Variants in SMAD2 observed in about 807,000 individuals in gnomAD.
The protein encoded by SMAD2 is SMAD family member 2, also known as MAD homolog 2.
SMAD2 carries 8 observed loss-of-function variants against 64.4 expected under a neutral mutation model. The observed-to-expected ratio is 0.12, with a 90% confidence interval of 0.07 to 0.22. The LOEUF (loss-of-function observed/expected upper bound fraction) is 0.22. Ranked by LOEUF, SMAD2 falls within the 10% of genes least tolerant of loss-of-function variation. The pLI is 1.00. For missense variants in SMAD2, 289 were observed against 561.2 expected, an observed-to-expected ratio of 0.51 and a Z score of 4.90; for synonymous variants, 203 against 195.8, an observed-to-expected ratio of 1.04 and a Z score of -0.31.
rs188323956 is a variant in SMAD2 at position 47,904,812 on chromosome 18, T to C, written c.-53-8003A>G. Among the ~76,000 whole-genome samples the C allele has an allele frequency of 9.2e-5, 14 of 152,244 alleles. No homozygotes were observed. The East Asian group carries it at 1.7e-3, about 19-fold the overall frequency. ...GAGCGAGAAAAAAGGTATCTGAAAA[T>C]GTTAATTCAACACTCATCTATAATT... On this transcript the variant is annotated intron_variant, in intron 1 of 10. Transcript: ENST00000262160.
rs2144290599 is a variant in SMAD2 at position 47,845,740 on chromosome 18, C to T, written c.1058G>A (p.Ser353Asn). 1 of 1,613,804 alleles carries T rather than the reference C, an allele frequency of 6.2e-7. No homozygotes were observed. Among genetic ancestry groups the T allele is most frequent in the Non-Finnish European group, 8.5e-7 (1 of 1,179,760 alleles). ...GEVFAECLSD[S>N]AIFVQSPNCN... ...ATTGGGGCTCTGCACAAAGATTGCACTATCACTTAGGCACTCAGCAAAAAC... is the reference window on the plus strand; with the variant it reads ...ATTGGGGCTCTGCACAAAGATTGCATTATCACTTAGGCACTCAGCAAAAAC... The change falls in exon 9 of 11, where the codon AGT becomes AAT. Residue 353 changes from serine to asparagine, a missense_variant. This residue lies in a region of SMAD2 where 49 missense variants were observed against 101.1 expected (regional missense o/e 0.48). Coordinates refer to ENST00000262160, the MANE Select transcript of SMAD2 (RefSeq NM_005901.6).
chr18:47,912,974 C>T (rs1341435697), intron 1 of SMAD2, among the ~76,000 whole-genome samples: 3 of 150,356 alleles, frequency 2.0e-5, no homozygotes, highest in Non-Finnish European at 4.4e-5. Flanking sequence ...GGTTGGAGTG[C>T]AATGGCGTGA....
In SMAD2 at chr18:47,835,159, T is replaced by C; in HGVS notation, c.*6668A>G. On this transcript the variant is annotated 3_prime_UTR_variant, in exon 11 of 11. Coordinates refer to ENST00000262160, the MANE Select transcript of SMAD2 (RefSeq NM_005901.6). ...AGCTTCACTATCACTAATAAAAAGA[T>C]ACAAATATGCCTTTCAAGTCAGGGT... 1 of 221,052 alleles carries C rather than the reference T, an allele frequency of 4.5e-6. No individual in the cohort carries two copies. The highest frequency in any genetic ancestry group is 9.1e-6 in the Non-Finnish European group (1 of 110,404). The allele number at this position is 221,052 out of a possible 1,614,324, so 13.7% of individuals were successfully genotyped here.
chr18:47,894,484 C>T (rs1418424814), intron 2 of SMAD2, among the ~76,000 whole-genome samples: 1 of 152,176 alleles, frequency 6.6e-6, no homozygotes, highest in African/African-American at 2.4e-5. Context: ...CCACCCCTTA[C>T]TTTATACTCT....
At chr18:47,902,104 G>A (rs1291574191) in intron 1 of SMAD2, among the ~76,000 whole-genome samples, 2 of 152,118 alleles carry the variant, frequency 1.3e-5, no homozygotes, top group East Asian at 3.8e-4. Context: ...AATATACTGA[G>A]GGCGTTCTCT....
intron 1 of SMAD2, chr18:47,912,233 T>C (rs140176495): frequency 5.9e-5 from 9 of 152,236 alleles, no homozygotes; most frequent in Non-Finnish European, 1.2e-4. Flanking sequence ...CCAGTGCAGA[T>C]TAAAGAGCTG....
At chr18:47,882,707 G>A (rs914949725) in intron 2 of SMAD2, among the ~76,000 whole-genome samples, 1 of 152,142 alleles carries the variant, frequency 6.6e-6, no homozygotes, top group Admixed American at 6.5e-5. Context: ...GATATTTGTT[G>A]CACAAATGCT....
At chr18:47,870,712 G>T (rs2031878422) in intron 2 of SMAD2, 148 bp from the exon 3 acceptor site, 2 of 698,866 alleles carry the variant, frequency 2.9e-6, no homozygotes, top group Non-Finnish European at 5.2e-6. Flanking sequence ...GGCATGTAGT[G>T]CTGGTTACTA....
intron 1 of SMAD2, among the ~76,000 whole-genome samples, chr18:47,901,633 A>C (rs1320710197): frequency 6.6e-6 from 1 of 152,148 alleles, no homozygotes; most frequent in Non-Finnish European, 1.5e-5. Flanking sequence ...TTCACTTAAC[A>C]CAATTTTCAT....
rs376870932 is a variant in SMAD2 at position 47,845,493 on chromosome 18, A to T, written c.1136-9T>A. ...GATCTTCAGATTACAGCCTATGATT[A>T]AAAAAGGTAAAAGAAATTGTCAAAA... On this transcript the variant is annotated splice_polypyrimidine_tract_variant and intron_variant, in intron 9 of 10. Coordinates refer to ENST00000262160, the MANE Select transcript of SMAD2 (RefSeq NM_005901.6). The T allele has an allele frequency of 1.3e-5, 21 of 1,610,184 alleles. No individual in the cohort carries two copies. Among genetic ancestry groups the T allele is most frequent in the Non-Finnish European group, 1.5e-5 (18 of 1,176,612 alleles).
Position 47,832,675 on chromosome 18 carries a change from T to C in SMAD2, c.*9152A>G, listed in dbSNP as rs1317059072. 1 of 152,186 alleles carries C rather than the reference T, an allele frequency of 6.6e-6. No homozygotes were observed. Among genetic ancestry groups the C allele is most frequent in the Non-Finnish European group, 1.5e-5 (1 of 68,020 alleles). The allele number at this position is 152,186 out of a possible 1,614,324, so 9.4% of individuals were successfully genotyped here. Reference sequence around the variant, plus strand: ...TTATATGAGATTATATCTTATCTAGTATTTTTCAATGGAGCCTTAAAAATG... The same window carrying C: ...TTATATGAGATTATATCTTATCTAGCATTTTTCAATGGAGCCTTAAAAATG... On this transcript the variant is annotated 3_prime_UTR_variant, in exon 11 of 11. Transcript: ENST00000262160.
In SMAD2 at chr18:47,834,180, C is replaced by T. The variant is rs980223830; in HGVS notation, c.*7647G>A. ...CTGAGTTTAGAAGCAACTATGACAA[C>T]ATAGGGAAGTAAGGATAAATCACAA... On this transcript the variant is annotated 3_prime_UTR_variant, in exon 11 of 11. Coordinates refer to ENST00000262160, the MANE Select transcript of SMAD2 (RefSeq NM_005901.6). The T allele has an allele frequency of 2.8e-5, 6 of 212,644 alleles. No homozygotes were observed. The highest frequency in any genetic ancestry group is 1.4e-4 in the African/African-American group (6 of 44,074). 13.2% of individuals were successfully genotyped at this position (212,644 alleles called of 1,614,324 possible).
chr18:47,885,586 T>C (rs1349949542), intron 2 of SMAD2, among the ~76,000 whole-genome samples: 1 of 152,218 alleles, frequency 6.6e-6, no homozygotes, highest in Non-Finnish European at 1.5e-5. Flanking sequence ...CTGGAATACA[T>C]GGTTGGTCTC....
At chr18:47,866,512 TAA>T (rs2031572947) in intron 5 of SMAD2, among the ~76,000 whole-genome samples, 1 of 151,640 alleles carries the variant, frequency 6.6e-6, no homozygotes, top group African/African-American at 2.4e-5. Flanking sequence ...TCAAAGAACA[TAA>T]AAATAAGGGT....
chr18:47,826,335 C>T lies in SMAD2; in HGVS notation c.*15492G>A, dbSNP rs1912755090. 1 of 152,202 alleles carries T rather than the reference C, an allele frequency of 6.6e-6. No homozygotes were observed. The highest frequency in any genetic ancestry group is 2.4e-5 in the African/African-American group (1 of 41,450). The allele number at this position is 152,202 out of a possible 1,614,324, so 9.4% of individuals were successfully genotyped here. On this transcript the variant is annotated 3_prime_UTR_variant, in exon 11 of 11. Coordinates refer to ENST00000262160, the MANE Select transcript of SMAD2 (RefSeq NM_005901.6). ...GGTAGATTGACTGCATTTAAGGCTCCAATTCTTCACCCCTCCTATGTTCTC... is the reference window on the plus strand; with the variant it reads ...GGTAGATTGACTGCATTTAAGGCTCTAATTCTTCACCCCTCCTATGTTCTC...
At chr18:47,911,864 C>G (rs1221913707) in intron 1 of SMAD2, among the ~76,000 whole-genome samples, 1 of 152,224 alleles carries the variant, frequency 6.6e-6, no homozygotes, top group Non-Finnish European at 1.5e-5. Flanking sequence ...ATGTAATCAT[C>G]TACCAACTAA....
Position 47,855,783 on chromosome 18 carries a change from G to A in SMAD2, c.731-4456C>T, listed in dbSNP as rs145195741. 3.4e-3 allele frequency among the ~76,000 whole-genome samples: 518 copies of A among 152,092 alleles called. 14 individuals carry two copies. Among genetic ancestry groups the A allele is most frequent in the Admixed American group, 0.027 (408 of 15,274 alleles). On this transcript the variant is annotated intron_variant, in intron 6 of 10. Coordinates refer to ENST00000262160, the MANE Select transcript of SMAD2 (RefSeq NM_005901.6). ...ACCACAGGTGTGTACCAACACACCC[G>A]GCTAATTTCAGTTTTGTTTTTTAAT...
At chr18:47,922,438 AT>A (rs1295068774) in intron 1 of SMAD2, 1 of 152,242 alleles carries the variant, frequency 6.6e-6, no homozygotes, top group African/African-American at 2.4e-5. Context: ...TTTTCTCATC[AT>A]TTCTAAAACA....
At chr18:47,927,612 T>A (rs1284742899) in intron 1 of SMAD2, among the ~76,000 whole-genome samples, 1 of 152,182 alleles carries the variant, frequency 6.6e-6, no homozygotes, top group Non-Finnish European at 1.5e-5. Flanking sequence ...TGAAAATAAA[T>A]GCATCGGCCA....
Sources: allele counts gnomAD v4.1 joint callset (sites outside exome capture counted in the v4.1 genomes callset), GRCh38; gene constraint gnomAD v4.1.1; regional missense constraint gnomAD v4.1.1; transcripts MANE v1.5; gene names NCBI Gene and HGNC (gene_info 2026-07-23, HGNC 2026-07-21).